Variants in ABHD17C observed in about 807,000 individuals in gnomAD.
ABHD17C encodes the protein alpha/beta hydrolase domain-containing protein 17C.
In ABHD17C, 11 loss-of-function variants were observed where a neutral mutation model predicts 27.9. The ratio of observed to expected loss-of-function variants is 0.39; its 90% CI spans 0.25 to 0.65. The LOEUF is 0.65. Ranked by LOEUF, ABHD17C falls within the 30% of genes least tolerant of loss-of-function variation. ABHD17C has a pLI of 0.45. For missense variants in ABHD17C, 280 were observed against 470.2 expected, an observed-to-expected ratio of 0.60 and a Z score of 3.74; for synonymous variants, 233 against 209.1, an observed-to-expected ratio of 1.11 and a Z score of -0.98.
At position 80,755,086 on chromosome 15, in the gene ABHD17C, G is replaced by A. The variant is rs1007088274; in HGVS notation, c.*716G>A. 2 of 152,106 alleles carry A rather than the reference G, an allele frequency of 1.3e-5. No individual in the cohort carries two copies. The highest frequency in any genetic ancestry group is 2.9e-5 in the Non-Finnish European group (2 of 68,030). 9.4% of individuals were successfully genotyped at this position (152,106 alleles called of 1,614,324 possible). A position where few individuals can be genotyped will look rare whatever the true frequency, so the allele number is the denominator to read the frequency against. On this transcript the variant is annotated 3_prime_UTR_variant, in exon 3 of 3. Coordinates refer to ENST00000258884, the MANE Select transcript of ABHD17C (RefSeq NM_021214.2). The stretch of plus-strand genomic sequence containing the variant: ...ACTTTCCTTCTGTAAAGTCCTCCTT[G>A]TAGGCTTTTTTAAAGTACTGTACAT...
chr15:80,698,189 C>T (rs1242611361), intron 1 of ABHD17C, among the ~76,000 whole-genome samples: 1 of 151,592 alleles, frequency 6.6e-6, no homozygotes, highest in African/African-American at 2.4e-5. Flanking sequence ...CTCAGCCTCC[C>T]GAGTAGCTGG....
intron 1 of ABHD17C, among the ~76,000 whole-genome samples, chr15:80,714,565 G>A (rs1231937636): frequency 1.3e-5 from 2 of 152,216 alleles, no homozygotes; most frequent in African/African-American, 2.4e-5. Flanking sequence ...GTCTTCCAAG[G>A]TGGCGGGGGG....
intron 2 of ABHD17C, 135 bp downstream of exon 2, chr15:80,749,827 T>C: frequency 1.9e-6 from 2 of 1,064,468 alleles, no homozygotes; most frequent in South Asian, 3.2e-5. Context: ...CCACAGGGCA[T>C]GTGGGAGCAA....
intron 2 of ABHD17C, among the ~76,000 whole-genome samples, chr15:80,751,222 T>C (rs929727131): frequency 6.6e-6 from 1 of 151,656 alleles, no homozygotes; most frequent in East Asian, 1.9e-4. Flanking sequence ...TAGACGAGCG[T>C]GGTGGTGCAC....
intron 1 of ABHD17C, among the ~76,000 whole-genome samples, chr15:80,730,680 CA>C (rs1895045924): frequency 6.6e-6 from 1 of 152,146 alleles, no homozygotes; most frequent in South Asian, 2.1e-4. Context: ...ACTCGCAGGA[CA>C]AAAAGCGTGT....
chr15:80,706,095 C>T (rs529587622), intron 1 of ABHD17C, among the ~76,000 whole-genome samples: 1 of 152,328 alleles, frequency 6.6e-6, no homozygotes, highest in Admixed American at 6.5e-5. Context: ...TGAGACGATC[C>T]TTAATAGAGT....
At chr15:80,747,384 C>T (rs1337744888) in intron 1 of ABHD17C, among the ~76,000 whole-genome samples, 3 of 152,174 alleles carry the variant, frequency 2.0e-5, no homozygotes, top group Non-Finnish European at 4.4e-5. Flanking sequence ...CCTGCTGAAA[C>T]GGCCCTCCCA....
intron 1 of ABHD17C, among the ~76,000 whole-genome samples, chr15:80,735,638 C>G (rs1895120407): frequency 1.3e-5 from 2 of 152,138 alleles, no homozygotes; most frequent in South Asian, 2.1e-4. Flanking sequence ...GAGAGACTCT[C>G]CCTCCCCTGC....
intron 1 of ABHD17C, among the ~76,000 whole-genome samples, chr15:80,707,154 T>G (rs926574522): frequency 1.8e-4 from 27 of 152,292 alleles, no homozygotes; most frequent in African/African-American, 5.5e-4. Flanking sequence ...GGAGAAAAAT[T>G]ACAGAATACC....
At chr15:80,707,503 GGAA>G (rs1327706809) in intron 1 of ABHD17C, among the ~76,000 whole-genome samples, 1 of 152,030 alleles carries the variant, frequency 6.6e-6, no homozygotes, top group Non-Finnish European at 1.5e-5. Context: ...GGGCCACATT[GGAA>G]GAAGAATTGT....
chr15:80,733,823 T>TA (rs1895088508), intron 1 of ABHD17C, among the ~76,000 whole-genome samples: 1 of 152,142 alleles, frequency 6.6e-6, no homozygotes, highest in African/African-American at 2.4e-5. Context: ...TTCTAAGAAA[T>TA]ATTTTTCAGC....
At chr15:80,726,139 G>A (rs1376372973) in intron 1 of ABHD17C, among the ~76,000 whole-genome samples, 1 of 152,236 alleles carries the variant, frequency 6.6e-6, no homozygotes, top group Non-Finnish European at 1.5e-5. Context: ...AACTGCAGCA[G>A]GAGCATGTCC....
chr15:80,712,751 A>G (rs186920567), intron 1 of ABHD17C, among the ~76,000 whole-genome samples: 50 of 152,326 alleles, frequency 3.3e-4, no homozygotes, highest in Admixed American at 2.9e-3. Flanking sequence ...GGATATGCCT[A>G]TACTTCAAGT....
In ABHD17C at chr15:80,739,411, A is replaced by T. The variant is rs563323653; in HGVS notation, c.591-10102A>T. On this transcript the variant is annotated intron_variant, in intron 1 of 2. Transcript: ENST00000258884. ...ATTTTGCCCTTGATATGGTTTAGAT[A>T]TTTGTCTCCTCCAAATCTCATGTTG... 3.3e-5 allele frequency among the ~76,000 whole-genome samples: 5 copies of T among 152,248 alleles called. No homozygotes were observed. The East Asian group carries it at 7.7e-4, about 23-fold the overall frequency.
rs1469645592 is a variant in ABHD17C, at chr15:80,735,947, A to G, written c.591-13566A>G. On this transcript the variant is annotated intron_variant, in intron 1 of 2. Coordinates refer to ENST00000258884, the MANE Select transcript of ABHD17C (RefSeq NM_021214.2). ...CTTGAAGGGACTGAGCCTACTTTTA[A>G]TGCTGTATTTGGTATGTTTTCTTTT... 5.3e-5 allele frequency among the ~76,000 whole-genome samples: 8 copies of G among 152,148 alleles called. 1 individual carries two copies. Among genetic ancestry groups the G allele is most frequent in the Non-Finnish European group, 8.8e-5 (6 of 68,012 alleles).
chr15:80,713,354 C>CTTTTT (rs67320992), intron 1 of ABHD17C, among the ~76,000 whole-genome samples: 19 of 43,840 alleles, frequency 4.3e-4, no homozygotes, highest in Admixed American at 9.3e-4. Flanking sequence ...AGGTCTTGTT[C>CTTTTT]TTTTTTTTTT....
rs1596073330 is a variant in ABHD17C at position 80,744,518 on chromosome 15, A to G, written c.591-4995A>G. Among the ~76,000 whole-genome samples the G allele has an allele frequency of 2.0e-5, 3 of 152,318 alleles. No homozygotes were observed. The South Asian group carries it at 6.2e-4, about 32-fold the overall frequency. On this transcript the variant is annotated intron_variant, in intron 1 of 2. Coordinates refer to ENST00000258884, the MANE Select transcript of ABHD17C (RefSeq NM_021214.2). ...CTCATTTATTGTCCAACAGTATAGT[A>G]AAGACAGGAAAAAGCAATGGCAAAG...
At chr15:80,738,515 A>G (rs1895164257) in intron 1 of ABHD17C, among the ~76,000 whole-genome samples, 1 of 152,228 alleles carries the variant, frequency 6.6e-6, no homozygotes, top group South Asian at 2.1e-4. Context: ...TGCCATTTGT[A>G]GCCCACCACA....
Position 80,696,141 on chromosome 15 carries a change from G to T in ABHD17C, c.590+122G>T, listed in dbSNP as rs986694010. On this transcript the variant is annotated intron_variant, in intron 1 of 2. Coordinates refer to ENST00000258884, the MANE Select transcript of ABHD17C (RefSeq NM_021214.2). Reference sequence around the variant, plus strand: ...CCCTCCTCCGGGGCTGAGGGCCAGCGGAGAGCCCCTTGGCCGCCGTAAATT... The same window carrying T: ...CCCTCCTCCGGGGCTGAGGGCCAGCTGAGAGCCCCTTGGCCGCCGTAAATT... The T allele has an allele frequency of 7.6e-6, 8 of 1,058,460 alleles. No homozygotes were observed. The African/African-American group carries it at 1.3e-4, about 17-fold the overall frequency. The allele number at this position is 1,058,460 out of a possible 1,614,324, so 65.6% of individuals were successfully genotyped here.
Sources: allele counts gnomAD v4.1 joint callset (sites outside exome capture counted in the v4.1 genomes callset), GRCh38; gene constraint gnomAD v4.1.1; transcripts MANE v1.5; gene names NCBI Gene and HGNC (gene_info 2026-07-23, HGNC 2026-07-21).